The following DGKK variants were observed in gnomAD, a reference collection of about 807,000 sequenced individuals.
DGKK encodes diacylglycerol kinase kappa, also known as 142 kDa diacylglycerol kinase.
In DGKK, 35 loss-of-function variants were observed where a neutral mutation model predicts 92.2. That is an observed-to-expected ratio of 0.38 (90% CI 0.29 to 0.50). DGKK has a LOEUF of 0.50. Ranked by LOEUF, DGKK falls within the 20% of genes least tolerant of loss-of-function variation. The pLI is 0.92. For missense variants in DGKK, 910 were observed against 992.2 expected (o/e 0.92, Z 1.11); for synonymous variants, 368 against 360.6 (o/e 1.02, Z -0.23).
Position 50,378,656 on chromosome X carries a change from C to A in DGKK, c.2898G>T (p.Leu966=). Residue 966 remains leucine, a synonymous_variant, in exon 21 of 28, where the codon CTG becomes CTT. Coordinates refer to ENST00000611977, the MANE Select transcript of DGKK (RefSeq NM_001013742.4). The stretch of plus-strand genomic sequence containing the variant: ...CAGAACCAAAGATTGCCACCACCTC[C>A]AGTTTCCCATCATCGATTGCAGGAG... ...YEAPAIDDGK[L]EVVAIFGSVQ... 1 of 1,209,046 alleles carries A rather than the reference C, an allele frequency of 8.3e-7. No individual in the cohort carries two copies. Among genetic ancestry groups the A allele is most frequent in the African/African-American group, 1.7e-5 (1 of 57,788 alleles).
rs1012270287 is a variant in DGKK, at chrX:50,368,175, G to A, written c.*765C>T. On this transcript the variant is annotated 3_prime_UTR_variant, in exon 28 of 28. Coordinates refer to ENST00000611977, the MANE Select transcript of DGKK (RefSeq NM_001013742.4). The stretch of plus-strand genomic sequence containing the variant: ...CAGCAAGAATGCAGGCAAACACTCC[G>A]TGGAGGCATGCAGGCTAGGATCAAG... The A allele has an allele frequency of 9.0e-6, 1 of 110,709 alleles. No individual in the cohort carries two copies. The highest frequency in any genetic ancestry group is 1.9e-5 in the Non-Finnish European group (1 of 52,945). 9.1% of individuals were successfully genotyped at this position (110,709 alleles called of 1,213,427 possible). A position where few individuals can be genotyped will look rare whatever the true frequency, so the allele number is the denominator to read the frequency against.
chrX:50,376,951 T>C (rs782783347), intron 22 of DGKK, 33 bp from the exon 23 acceptor site: 33 of 1,150,259 alleles, frequency 2.9e-5, no homozygotes, highest in Non-Finnish European at 3.7e-5. Context: ...ATCCTAATGA[T>C]TGCTGTAGCT....
chrX:50,377,902 C>G (rs5915243), intron 22 of DGKK, among the ~76,000 whole-genome samples, 196 bp downstream of exon 22: 29,745 of 110,063 alleles, frequency 0.27, 3,257 homozygotes, highest in Middle Eastern at 0.39. Context: ...TTCCTGGGAA[C>G]TATGCAACCC....
At chrX:50,444,870 C>G (rs1342402658) in intron 1 of DGKK, among the ~76,000 whole-genome samples, 1 of 111,287 alleles carries the variant, frequency 9.0e-6, no homozygotes, top group East Asian at 2.8e-4. Flanking sequence ...AATTGCCACA[C>G]TGCTTCCCAC....
chrX:50,453,639 T>C (rs1569545150), intron 1 of DGKK, among the ~76,000 whole-genome samples: 2 of 111,411 alleles, frequency 1.8e-5, no homozygotes, highest in Non-Finnish European at 3.8e-5. Context: ...TTCTCTTGAA[T>C]ACCAAAGACT....
At chrX:50,379,455 G>A (rs782046436) in intron 20 of DGKK, among the ~76,000 whole-genome samples, 172 bp downstream of exon 20, 29 of 110,885 alleles carry the variant, frequency 2.6e-4, no homozygotes, top group Non-Finnish European at 4.9e-4. Context: ...TTCTGCTTTC[G>A]GATGGTAATT....
intron 4 of DGKK, among the ~76,000 whole-genome samples, chrX:50,406,108 A>G (rs1395548212): frequency 2.7e-5 from 3 of 112,299 alleles, no homozygotes; most frequent in Non-Finnish European, 5.6e-5. Flanking sequence ...TCATTCCTGT[A>G]TAGAGTGACA....
chrX:50,462,882 CTTTT>C (rs548003185), intron 1 of DGKK, among the ~76,000 whole-genome samples: 233 of 15,689 alleles, frequency 0.015, 1 homozygote, highest in East Asian at 0.024. Flanking sequence ...CCTTTCCTTG[CTTTT>C]TTTTTTTTTT....
chrX:50,456,086 C>T, intron 1 of DGKK, among the ~76,000 whole-genome samples: 1 of 111,588 alleles, frequency 9.0e-6, no homozygotes, highest in Non-Finnish European at 1.9e-5. Context: ...AGAAGTTTTC[C>T]TTCTCATTTA....
intron 8 of DGKK, among the ~76,000 whole-genome samples, chrX:50,394,249 G>A (rs1247847039): frequency 8.9e-6 from 1 of 111,931 alleles, no homozygotes; most frequent in Non-Finnish European, 1.9e-5. Context: ...GGTGGGAGGA[G>A]GTGGGTTGAG....
At chrX:50,441,834 G>A (rs1302949554) in intron 1 of DGKK, among the ~76,000 whole-genome samples, 3 of 111,642 alleles carry the variant, frequency 2.7e-5, no homozygotes, top group Non-Finnish European at 5.7e-5. Context: ...TGTGTGTGTA[G>A]CTATATATTA....
chrX:50,373,854 G>A (rs1924201818), intron 25 of DGKK, among the ~76,000 whole-genome samples: 1 of 112,032 alleles, frequency 8.9e-6, no homozygotes, highest in Admixed American at 9.4e-5. Flanking sequence ...TATGCCTATG[G>A]GTTTTGCATT....
intron 1 of DGKK, among the ~76,000 whole-genome samples, chrX:50,458,197 A>C (rs1353822403): frequency 9.0e-6 from 1 of 111,265 alleles, no homozygotes; most frequent in African/African-American, 3.3e-5. Flanking sequence ...TTAGCATAGA[A>C]GAGGAGTGAT....
At chrX:50,388,398 G>C (rs1602272372) in intron 13 of DGKK, 129 bp downstream of exon 13, 1 of 491,597 alleles carries the variant, frequency 2.0e-6, no homozygotes, top group Non-Finnish European at 3.4e-6. Context: ...GGGGGTTTGA[G>C]TTGGGAGAAA....
intron 4 of DGKK, among the ~76,000 whole-genome samples, chrX:50,418,094 T>G (rs1557228744): frequency 9.0e-6 from 1 of 111,477 alleles, no homozygotes; most frequent in Non-Finnish European, 1.9e-5. Flanking sequence ...CAATCTATCT[T>G]TCAAGGTCAG....
At position 50,404,084 on chromosome X, in the gene DGKK, A is replaced by G; in HGVS notation, c.1043T>C (p.Ile348Thr). The change falls in exon 5 of 28, where the codon ATT (isoleucine) becomes ACT (threonine). Residue 348 changes from isoleucine to threonine, a missense_variant. Physicochemically the swap from Ile to Thr is moderately conservative, Grantham distance 89. Transcript: ENST00000611977. Reference protein sequence around the residue: ...TQHCNVCRESIPALSRDAIIC... With the variant: ...TQHCNVCRESTPALSRDAIIC... ...GATGGCATCTCTAGATAAGGCAGGA[A>G]TGCTCTCTCGACAAACATTGCAGTG... 1 of 1,211,381 alleles carries G rather than the reference A, an allele frequency of 8.3e-7. No homozygotes were observed. Among genetic ancestry groups the G allele is most frequent in the Middle Eastern group, 2.3e-4 (1 of 4,356 alleles).
At chrX:50,443,064 T>A (rs782462635) in intron 1 of DGKK, among the ~76,000 whole-genome samples, 1 of 111,747 alleles carries the variant, frequency 8.9e-6, no homozygotes, top group Non-Finnish European at 1.9e-5. Flanking sequence ...TAGATACATA[T>A]AGTAACATTA....
At position 50,438,437 on chromosome X, in the gene DGKK, C is replaced by T. The variant is rs138106228; in HGVS notation, c.646-14079G>A. ...CAACAGACTTCTCCAAGACCACACACAGTTACAAAGAGGGATGACTTTGAA... is the reference window on the plus strand; with the variant it reads ...CAACAGACTTCTCCAAGACCACACATAGTTACAAAGAGGGATGACTTTGAA... On this transcript the variant is annotated intron_variant, in intron 1 of 27. Transcript: ENST00000611977. Among the ~76,000 whole-genome samples, 857 of 111,781 alleles carry T rather than the reference C, an allele frequency of 7.7e-3. 9 individuals are homozygous for T. Among genetic ancestry groups the T allele is most frequent in the African/African-American group, 0.027 (833 of 30,768 alleles).
chrX:50,376,503 G>C (rs1157812297), intron 23 of DGKK, among the ~76,000 whole-genome samples: 1 of 111,767 alleles, frequency 8.9e-6, no homozygotes, highest in Non-Finnish European at 1.9e-5. Context: ...AACAGTCTTA[G>C]TTCTATTGGG....
Sources: allele counts gnomAD v4.1 joint callset (sites outside exome capture counted in the v4.1 genomes callset), GRCh38; gene constraint gnomAD v4.1.1; transcripts MANE v1.5; gene names NCBI Gene and HGNC (gene_info 2026-07-23, HGNC 2026-07-21).